SDK1: variants seen among roughly 807,000 people sequenced by gnomAD.
The protein encoded by SDK1 is protein sidekick-1.
In SDK1, 157 loss-of-function variants were observed where a neutral mutation model predicts 245.5. The observed-to-expected ratio is 0.64, with a 90% CI of 0.56 to 0.73. The LOEUF (loss-of-function observed/expected upper bound fraction) is 0.73, where lower values mean the gene tolerates loss of function less well. Among genes scored for constraint, SDK1 ranks in the 30% least tolerant of loss-of-function variants. The pLI, the probability that SDK1 is intolerant of heterozygous loss-of-function variation, is 0.00. For missense variants in SDK1, 3,583 were observed against 3,002.3 expected, an observed-to-expected ratio of 1.19 and a Z score of -4.52; for synonymous variants, 1,647 against 1,278.5, an observed-to-expected ratio of 1.29 and a Z score of -6.15.
Position 3,392,961 on chromosome 7 carries a change from A to ATTTTTTTTT in SDK1, c.298+91088_298+91096dup, listed in dbSNP as rs572782966. On this transcript the variant is annotated intron_variant, in intron 1 of 44. Coordinates refer to ENST00000404826, the MANE Select transcript of SDK1 (RefSeq NM_152744.4). ...GTATCTGTTTGAGTCCCTGTTTTAAATTTTTTTTTTTTTTTTTTTCTTTTT... is the reference window on the plus strand; with the variant it reads ...GTATCTGTTTGAGTCCCTGTTTTAAATTTTTTTTTTTTTTTTTTTTTTTTTTTTCTTTTT... Among the ~76,000 whole-genome samples the ATTTTTTTTT allele has an allele frequency of 1.5e-3, 134 of 87,086 alleles. 4 individuals carry two copies. Among genetic ancestry groups the ATTTTTTTTT allele is most frequent in the Non-Finnish European group, 2.2e-3 (106 of 47,372 alleles). The allele number at this position is 87,086 out of a possible 152,430, so 57.1% of individuals were successfully genotyped here. A position where few individuals can be genotyped will look rare whatever the true frequency, so the allele number is the denominator to read the frequency against.
intron 22 of SDK1, among the ~76,000 whole-genome samples, chr7:4,088,014 C>T (rs897137789): frequency 9.2e-5 from 14 of 152,200 alleles, no homozygotes; most frequent in African/African-American, 3.1e-4. Flanking sequence ...ACTATGAACA[C>T]GTTTAATTCT....
At chr7:4,175,746 C>G (rs768693369) in intron 33 of SDK1, 29 bp from the exon 34 acceptor site, 2 of 1,604,984 alleles carry the variant, frequency 1.2e-6, no homozygotes, top group Non-Finnish European at 1.7e-6. Context: ...TGCGTGCTAA[C>G]CACCTTTCTG....
chr7:3,338,677 GAAAA>G, intron 1 of SDK1: 1 of 166,420 alleles, frequency 6.0e-6, no homozygotes, highest in Non-Finnish European at 1.3e-5. Context: ...TGTGTTTAAA[GAAAA>G]AAAAAAGTGG....
In SDK1 at chr7:4,265,779, G is replaced by C; in HGVS notation, c.*395G>C. ...TCAGGTGAGATCTCAGAGCTGCCCC[G>C]GCCGGCCCCCGTCTCTTTCTACCTC... On this transcript the variant is annotated 3_prime_UTR_variant, in exon 45 of 45. Coordinates refer to ENST00000404826, the MANE Select transcript of SDK1 (RefSeq NM_152744.4). 6 of 1,015,360 alleles carry C rather than the reference G, an allele frequency of 5.9e-6. No homozygotes were observed. Among genetic ancestry groups the C allele is most frequent in the Non-Finnish European group, 7.0e-6 (6 of 851,562 alleles). 62.9% of individuals were successfully genotyped at this position (1,015,360 alleles called of 1,614,324 possible). A position where few individuals can be genotyped will look rare whatever the true frequency, so the allele number is the denominator to read the frequency against.
intron 41 of SDK1, among the ~76,000 whole-genome samples, chr7:4,234,072 C>G (rs1198148043): frequency 2.0e-5 from 3 of 152,178 alleles, no homozygotes; most frequent in Non-Finnish European, 2.9e-5. Flanking sequence ...GGGCAAGAAC[C>G]ACCCCGGCAG....
intron 4 of SDK1, among the ~76,000 whole-genome samples, chr7:3,726,682 C>G (rs367863072): frequency 6.6e-6 from 1 of 152,210 alleles, no homozygotes; most frequent in Admixed American, 6.5e-5. Context: ...GTGGGAACAT[C>G]AACCACTGTG....
rs541396343 is a variant in SDK1, at chr7:3,656,860, G to A, written c.713+14755G>A. ...CCTCCCGGGTTCACACCATTCTCCTGCCTCAGCCTCCCGAGTAGCTGGGAC... is the reference window on the plus strand; with the variant it reads ...CCTCCCGGGTTCACACCATTCTCCTACCTCAGCCTCCCGAGTAGCTGGGAC... On this transcript the variant is annotated intron_variant, in intron 4 of 44. Coordinates refer to ENST00000404826, the MANE Select transcript of SDK1 (RefSeq NM_152744.4). Among the ~76,000 whole-genome samples the A allele has an allele frequency of 2.6e-3, 398 of 151,356 alleles. 1 individual carries two copies. Among genetic ancestry groups the A allele is most frequent in the Non-Finnish European group, 3.5e-3 (236 of 67,942 alleles).
intron 1 of SDK1, among the ~76,000 whole-genome samples, chr7:3,460,751 A>G (rs1469425491): frequency 6.6e-6 from 1 of 152,186 alleles, no homozygotes; most frequent in Non-Finnish European, 1.5e-5. Flanking sequence ...TTTTGGGGCT[A>G]AAAACAGCCA....
Position 4,158,561 on chromosome 7 carries a change from C to T in SDK1, c.4729+10C>T, listed in dbSNP as rs745853705. ...ACCACGCTGCAGGATGGTGAGCAAC[C>T]CGGGGCCCAGACCGCGTTCCTGGCC... On this transcript the variant is annotated intron_variant, in intron 31 of 44. Coordinates refer to ENST00000404826, the MANE Select transcript of SDK1 (RefSeq NM_152744.4). 2 of 1,603,024 alleles carry T rather than the reference C, an allele frequency of 1.2e-6. No individual in the cohort carries two copies. The highest frequency in any genetic ancestry group is 2.2e-5 in the South Asian group (2 of 90,894).
chr7:3,764,944 A>G (rs1360659810), intron 4 of SDK1, among the ~76,000 whole-genome samples: 8 of 152,168 alleles, frequency 5.3e-5, no homozygotes, highest in Admixed American at 5.2e-4. Flanking sequence ...AAAACATGTT[A>G]TATAGTCTAA....
chr7:3,527,239 G>C (rs951120699), intron 1 of SDK1, among the ~76,000 whole-genome samples: 1 of 152,156 alleles, frequency 6.6e-6, no homozygotes, highest in Non-Finnish European at 1.5e-5. Context: ...GAATGCTATG[G>C]TAAATAAGAT....
chr7:3,596,811 C>G (rs531630630), intron 1 of SDK1, among the ~76,000 whole-genome samples: 1 of 152,194 alleles, frequency 6.6e-6, no homozygotes, highest in African/African-American at 2.4e-5. Flanking sequence ...GTAACTCATG[C>G]TGCCACATCA....
intron 35 of SDK1, among the ~76,000 whole-genome samples, chr7:4,181,361 G>A (rs1335931841): frequency 6.6e-6 from 1 of 152,250 alleles, no homozygotes; most frequent in Non-Finnish European, 1.5e-5. Context: ...GACACTCGGG[G>A]GCCTTCCCCC....
chr7:3,875,269 C>G (rs911945567), intron 5 of SDK1, among the ~76,000 whole-genome samples: 2 of 152,168 alleles, frequency 1.3e-5, no homozygotes, highest in Middle Eastern at 3.2e-3. Context: ...GTCTGCACTT[C>G]GTCCAGCATT....
chr7:3,962,715 G>C lies in SDK1; in HGVS notation c.1293G>C (p.Gln431His). 1 of 1,613,848 alleles carries C rather than the reference G, an allele frequency of 6.2e-7. No homozygotes were observed. Among genetic ancestry groups the C allele is most frequent in the South Asian group, 1.1e-5 (1 of 91,066 alleles). ...YKDAISISRL[Q>H]NPRYKVLASG... ...ATGCCATCTCCATCAGCAGGCTCCA[G>C]AATCCTCGATACAAAGTGCTCGCCA... The change falls in exon 9 of 45, where the codon CAG (glutamine) becomes CAC (histidine). Residue 431 changes from glutamine (Q) to histidine (H), a missense_variant. Gln to His is a conservative substitution (Grantham distance 24, BLOSUM62 0). Coordinates refer to ENST00000404826, the MANE Select transcript of SDK1 (RefSeq NM_152744.4).
intron 42 of SDK1, among the ~76,000 whole-genome samples, chr7:4,238,562 C>T (rs1427305590): frequency 1.4e-5 from 2 of 144,876 alleles, no homozygotes; most frequent in African/African-American, 5.1e-5. Context: ...GATCCTGTCT[C>T]TTTTTTTTTT....
intron 35 of SDK1, among the ~76,000 whole-genome samples, chr7:4,182,368 A>G (rs1458400234): frequency 6.6e-6 from 1 of 152,096 alleles, no homozygotes; most frequent in African/African-American, 2.4e-5. Context: ...TCCCCATTAG[A>G]CCAAGGCTGC....
In SDK1 at chr7:3,871,528, G is replaced by A. The variant is rs57424663; in HGVS notation, c.847+49945G>A. Among the ~76,000 whole-genome samples, 857 of 152,326 alleles carry A rather than the reference G, an allele frequency of 5.6e-3. 7 individuals are homozygous for A. Among genetic ancestry groups the A allele is most frequent in the African/African-American group, 0.019 (797 of 41,578 alleles). ...AGAAAAGAGGTTTATTTGGCTCATG[G>A]TTCTGTAGGCTGTGCAGGAAGCACG... On this transcript the variant is annotated intron_variant, in intron 5 of 44. Coordinates refer to ENST00000404826, the MANE Select transcript of SDK1 (RefSeq NM_152744.4).
At chr7:4,136,795 C>G (rs751117192) in intron 28 of SDK1, among the ~76,000 whole-genome samples, 1 of 152,232 alleles carries the variant, frequency 6.6e-6, no homozygotes, top group Non-Finnish European at 1.5e-5. Context: ...AAGCTTATTA[C>G]GAAGGGTGTG....
Sources: gnomAD v4.1 joint callset for allele counts (sites outside exome capture counted in the v4.1 genomes callset) on GRCh38, gnomAD v4.1.1 for gene constraint, MANE v1.5 for transcripts, NCBI Gene and HGNC (gene_info 2026-07-23, HGNC 2026-07-21) for gene names.